Variants in SLC25A13 observed in about 807,000 individuals in gnomAD.
SLC25A13 encodes the protein electrogenic aspartate/glutamate antiporter SLC25A13, mitochondrial.
In SLC25A13, 70 loss-of-function variants were observed where a neutral mutation model predicts 85.5. The ratio of observed to expected loss-of-function variants is 0.82; its 90% confidence interval spans 0.68 to 1.00. The LOEUF (loss-of-function observed/expected upper bound fraction) is 1.00, where lower values mean the gene tolerates loss of function less well. SLC25A13 is among the 50% of genes least tolerant of loss of function. SLC25A13 has a pLI of 0.00. For missense variants in SLC25A13, 765 were observed against 819.8 expected, an observed-to-expected ratio of 0.93 and a Z score of 0.82; for synonymous variants, 259 against 288.7, an observed-to-expected ratio of 0.90 and a Z score of 1.04.
intron 3 of SLC25A13, among the ~76,000 whole-genome samples, chr7:96,246,692 T>C (rs987086102): frequency 6.6e-6 from 1 of 152,216 alleles, no homozygotes; most frequent in Non-Finnish European, 1.5e-5. Flanking sequence ...ACATTTTGGA[T>C]ACACACAAAA....
intron 2 of SLC25A13, among the ~76,000 whole-genome samples, chr7:96,292,880 AT>A (rs1799182810): frequency 6.6e-6 from 1 of 152,216 alleles, no homozygotes; most frequent in Admixed American, 6.5e-5. Context: ...ATTCAATTCC[AT>A]CCCCATCAAG....
At chr7:96,152,656 C>G (rs551565587) in intron 13 of SLC25A13, among the ~76,000 whole-genome samples, 1 of 152,232 alleles carries the variant, frequency 6.6e-6, no homozygotes, top group South Asian at 2.1e-4. Flanking sequence ...ATGAGGGCAT[C>G]ACTCCACATA....
intron 13 of SLC25A13, among the ~76,000 whole-genome samples, chr7:96,159,880 T>C (rs2116534511): frequency 6.6e-6 from 1 of 152,318 alleles, no homozygotes; most frequent in South Asian, 2.1e-4. Context: ...GGCTATTCTG[T>C]TTACATGTTT....
chr7:96,310,357 A>G (rs182051893), intron 1 of SLC25A13, among the ~76,000 whole-genome samples: 9 of 152,140 alleles, frequency 5.9e-5, no homozygotes, highest in African/African-American at 2.2e-4. Flanking sequence ...TACTTTCTGG[A>G]TTTGTCTGAT....
intron 2 of SLC25A13, among the ~76,000 whole-genome samples, chr7:96,292,893 T>C (rs988840169): frequency 6.6e-6 from 1 of 152,224 alleles, no homozygotes; most frequent in African/African-American, 2.4e-5. Context: ...CCCATCAAGC[T>C]ACCAATGACT....
chr7:96,172,755 G>C (rs1794057902), intron 11 of SLC25A13, among the ~76,000 whole-genome samples: 1 of 151,800 alleles, frequency 6.6e-6, no homozygotes, highest in Non-Finnish European at 1.5e-5. Context: ...ATGAGGACAA[G>C]CGCCAGTTTG....
At chr7:96,305,392 C>T (rs1234843932) in intron 1 of SLC25A13, among the ~76,000 whole-genome samples, 1 of 152,168 alleles carries the variant, frequency 6.6e-6, no homozygotes, top group Non-Finnish European at 1.5e-5. Context: ...ATGCCCATGG[C>T]TCAGTAGAAG....
chr7:96,264,141 T>C (rs1442298926), intron 3 of SLC25A13, among the ~76,000 whole-genome samples: 2 of 152,150 alleles, frequency 1.3e-5, no homozygotes, highest in African/African-American at 4.8e-5. Flanking sequence ...TCAGTGGCCA[T>C]GACCTCAACC....
At chr7:96,199,631 G>A (rs1250747298) in intron 5 of SLC25A13, among the ~76,000 whole-genome samples, 1 of 152,152 alleles carries the variant, frequency 6.6e-6, no homozygotes, top group Non-Finnish European at 1.5e-5. Flanking sequence ...GTACATGAAA[G>A]GAGGCCCAAT....
chr7:96,198,394 G>A lies in SLC25A13; in HGVS notation c.469-5211C>T, dbSNP rs114195797. Among the ~76,000 whole-genome samples the A allele has an allele frequency of 6.4e-3, 978 of 152,282 alleles. 9 individuals carry two copies. Among genetic ancestry groups the A allele is most frequent in the African/African-American group, 0.022 (919 of 41,566 alleles). ...GGTTCTGCTCAATCATTCTGAACTAGCCACAGGAACGGAAAAATGAACATC... is the reference window on the plus strand; with the variant it reads ...GGTTCTGCTCAATCATTCTGAACTAACCACAGGAACGGAAAAATGAACATC... On this transcript the variant is annotated intron_variant, in intron 5 of 17. Coordinates refer to ENST00000265631, the MANE Select transcript of SLC25A13 (RefSeq NM_014251.3).
chr7:96,193,475 G>A (rs921351373), intron 5 of SLC25A13, among the ~76,000 whole-genome samples: 1 of 152,146 alleles, frequency 6.6e-6, no homozygotes, highest in African/African-American at 2.4e-5. Flanking sequence ...ATGAAAACCG[G>A]AATGAAGTGT....
chr7:96,305,411 G>A (rs925231140), intron 1 of SLC25A13, among the ~76,000 whole-genome samples: 1 of 152,194 alleles, frequency 6.6e-6, no homozygotes, highest in African/African-American at 2.4e-5. Flanking sequence ...AGGCAGAAAT[G>A]CCTAGTGCAG....
intron 11 of SLC25A13, among the ~76,000 whole-genome samples, chr7:96,176,108 C>T (rs908723255): frequency 1.3e-5 from 2 of 152,138 alleles, no homozygotes; most frequent in African/African-American, 4.8e-5. Context: ...GGTGGGAATT[C>T]CAAACTCCCT....
intron 5 of SLC25A13, among the ~76,000 whole-genome samples, chr7:96,208,522 T>C (rs1795548601): frequency 6.6e-6 from 1 of 151,692 alleles, no homozygotes; most frequent in Admixed American, 6.6e-5. Flanking sequence ...TTTTTTTTTT[T>C]TGAGACGGAG....
At chr7:96,237,875 G>T (rs1796802283) in intron 3 of SLC25A13, among the ~76,000 whole-genome samples, 1 of 152,150 alleles carries the variant, frequency 6.6e-6, no homozygotes, top group African/African-American at 2.4e-5. Flanking sequence ...GTAAAAATTG[G>T]AAAGAAGGGA....
intron 5 of SLC25A13, among the ~76,000 whole-genome samples, chr7:96,193,854 C>T (rs1794953081): frequency 6.6e-6 from 1 of 152,150 alleles, no homozygotes; most frequent in African/African-American, 2.4e-5. Flanking sequence ...GACTACTGCT[C>T]TAAGTAGTTG....
chr7:96,198,591 A>T (rs919022705), intron 5 of SLC25A13, among the ~76,000 whole-genome samples: 1 of 152,224 alleles, frequency 6.6e-6, no homozygotes, highest in African/African-American at 2.4e-5. Context: ...GAGGTCAGGT[A>T]ACTAGCCTAA....
At chr7:96,145,384 G>T (rs1337544069) in intron 14 of SLC25A13, among the ~76,000 whole-genome samples, 2 of 152,128 alleles carry the variant, frequency 1.3e-5, no homozygotes, top group Non-Finnish European at 2.9e-5. Flanking sequence ...GATGTTTACT[G>T]AGGTCACTTG....
At chr7:96,309,201 C>T (rs1188301790) in intron 1 of SLC25A13, among the ~76,000 whole-genome samples, 1 of 152,214 alleles carries the variant, frequency 6.6e-6, no homozygotes, top group Non-Finnish European at 1.5e-5. Flanking sequence ...CTGAGACTAG[C>T]AGGGCTGAAA....
Sources: gnomAD v4.1 joint callset for allele counts (sites outside exome capture counted in the v4.1 genomes callset) on GRCh38, gnomAD v4.1.1 for gene constraint, MANE v1.5 for transcripts, NCBI Gene and HGNC (gene_info 2026-07-23, HGNC 2026-07-21) for gene names.